The following TRPM4 variants were observed in gnomAD, a reference collection of about 807,000 sequenced individuals.
The protein encoded by TRPM4 is calcium-activated non-selective cation channel 1.
TRPM4 carries 124 observed loss-of-function variants against 135.6 expected under a neutral mutation model. The ratio of observed to expected loss-of-function variants is 0.91; its 90% CI spans 0.79 to 1.06. The LOEUF (loss-of-function observed/expected upper bound fraction) is 1.06. Among genes scored for constraint, TRPM4 ranks in the 50% least tolerant of loss-of-function variants. The pLI, the probability that TRPM4 is intolerant of heterozygous loss-of-function variation, is 0.00. For synonymous variants in TRPM4, 745 were observed against 705.6 expected (o/e 1.06, Z -0.88); for missense variants, 1,658 against 1,671.4 (o/e 0.99, Z 0.14).
chr19:49,206,213 C>T (rs1600532763), intron 20 of TRPM4, among the ~76,000 whole-genome samples: 1 of 151,988 alleles, frequency 6.6e-6, no homozygotes, highest in East Asian at 1.9e-4. Flanking sequence ...TCTGCCTCGG[C>T]TTTCCAAGGT....
At chr19:49,188,436 C>A (rs1968277591) in intron 12 of TRPM4, among the ~76,000 whole-genome samples, 1 of 152,180 alleles carries the variant, frequency 6.6e-6, no homozygotes, top group South Asian at 2.1e-4. Flanking sequence ...TGACTTGCAT[C>A]CCTGGTCTCT....
Position 49,200,632 on chromosome 19 carries a change from CTCT to C in TRPM4, c.2806_2808del (p.Phe936del), listed in dbSNP as rs1486769740. 2 of 1,613,618 alleles carry C rather than the reference CTCT, an allele frequency of 1.2e-6. No individual in the cohort carries two copies. Among genetic ancestry groups the C allele is most frequent in the African/African-American group, 1.3e-5 (1 of 75,050 alleles). ...ACAGATGAAGGACGTGTTCTTCTTC[CTCT>C]TCTTCCTCGGCGTGTGGCTGGTAGC... is the stretch of plus-strand genomic sequence containing the variant. On this transcript the variant is annotated inframe_deletion, in exon 19 of 25. Transcript: ENST00000252826.
Position 49,158,206 on chromosome 19 carries a change from G to C in TRPM4, c.39G>C (p.Lys13Asn). The C allele has an allele frequency of 6.2e-7, 1 of 1,613,898 alleles. No homozygotes were observed. The highest frequency in any genetic ancestry group is 2.2e-5 in the East Asian group (1 of 44,822). ...VPEKEQSWIP[K>N]IFKKKTCTTF... ...CCTGTCCCCAGAGCTGGATCCCCAA[G>C]ATCTTCAAGAAGAAGACCTGCACGA... Residue 13 changes from lysine to asparagine, a missense_variant, in exon 2 of 25, where the codon AAG becomes AAC. Around this residue, in one of 3 missense-constraint regions of TRPM4, gnomAD observed 239 missense variants for 240.1 expected, o/e 1.00. Coordinates refer to ENST00000252826, the MANE Select transcript of TRPM4 (RefSeq NM_017636.4).
chr19:49,186,389 G>GCCTCTAGC (rs1968197090), intron 12 of TRPM4, among the ~76,000 whole-genome samples: 1 of 152,186 alleles, frequency 6.6e-6, no homozygotes, highest in Non-Finnish European at 1.5e-5. Flanking sequence ...TTCTGAGCAC[G>GCCTCTAGC]CCTCTAGCCC....
rs1421888698 is a variant in TRPM4 at position 49,210,524 on chromosome 19, G to T, written c.3328+119G>T. ...CGTGGCTTAGGTAGCGAGGGGCGGG[G>T]TTTAAGCAACAAGGGGCGGAGCTTA... On this transcript the variant is annotated intron_variant, in intron 21 of 24. Transcript: ENST00000252826. This position sits in a 1 kb window ranked among gnomAD's most constrained non-coding sequence, Gnocchi z 4.1. 6.9e-7 allele frequency: 1 copy of T among 1,445,956 alleles called. No homozygotes were observed. The highest frequency in any genetic ancestry group is 9.5e-7 in the Non-Finnish European group (1 of 1,053,862). 89.6% of individuals were successfully genotyped at this position (1,445,956 alleles called of 1,614,324 possible). A position where few individuals can be genotyped will look rare whatever the true frequency, so the allele number is the denominator to read the frequency against.
intron 17 of TRPM4, among the ~76,000 whole-genome samples, chr19:49,198,773 G>C (rs570640512): frequency 6.8e-6 from 1 of 146,964 alleles, no homozygotes; most frequent in Non-Finnish European, 1.5e-5. Flanking sequence ...TTCTTTTTTT[G>C]TTTTAAATAG....
rs778308310 is a variant in TRPM4, at chr19:49,182,922, C to G, written c.1608C>G (p.Ser536Arg). The G allele has an allele frequency of 1.5e-5, 24 of 1,588,688 alleles. No individual in the cohort carries two copies. Among genetic ancestry groups the G allele is most frequent in the African/African-American group, 2.7e-5 (2 of 74,472 alleles). The change falls in exon 11 of 25, where the codon AGC (serine) becomes AGG (arginine). Residue 536 changes from serine (S) to arginine (R), a missense_variant and splice_region_variant. By Grantham distance (110) the Ser-to-Arg change is moderately radical. This residue lies in a region of TRPM4 where 1,412 missense variants were observed against 1,408.7 expected (regional missense o/e 1.00). Transcript: ENST00000252826. ...DPHPGQGFGE[S>R]MYLLSDKATS... is the part of the protein sequence containing the mutation. ...ACCCAGGCCAGGGCTTCGGGGAGAG[C>G]GTAAGGACCGGGCAAAGCTGGGGGG...
At chr19:49,179,302 A>C (rs1377425860) in intron 9 of TRPM4, among the ~76,000 whole-genome samples, 2 of 151,700 alleles carry the variant, frequency 1.3e-5, no homozygotes, top group African/African-American at 2.4e-5. Context: ...TGATTCGCCC[A>C]CCTCGGCCTC....
At chr19:49,190,550 G>T in intron 15 of TRPM4, 146 bp from the exon 16 acceptor site, 1 of 886,986 alleles carries the variant, frequency 1.1e-6, no homozygotes, top group Non-Finnish European at 1.8e-6. Context: ...ATGGCTCTGG[G>T]GGAAGGTCCC....
At chr19:49,205,971 T>A (rs910953766) in intron 20 of TRPM4, among the ~76,000 whole-genome samples, 7 of 152,138 alleles carry the variant, frequency 4.6e-5, no homozygotes, top group Admixed American at 2.6e-4. Flanking sequence ...TTTTTTGGGT[T>A]TTTTTTGAGA....
chr19:49,180,591 C>G (rs983700805), intron 9 of TRPM4, among the ~76,000 whole-genome samples: 2 of 151,924 alleles, frequency 1.3e-5, no homozygotes, highest in Non-Finnish European at 2.9e-5. Flanking sequence ...AACACCCATT[C>G]TCTGGGAGCT....
intron 9 of TRPM4, among the ~76,000 whole-genome samples, chr19:49,175,928 CTT>C (rs34213157): frequency 3.7e-4 from 40 of 109,196 alleles, no homozygotes; most frequent in Non-Finnish European, 4.6e-4. Flanking sequence ...CGCCCGGCCT[CTT>C]TTTTTTTTTT....
chr19:49,201,953 T>C lies in TRPM4; in HGVS notation c.2954-11T>C, dbSNP rs774806552. ...CCCCCTCACCCCATCTCTGAATGTC[T>C]CTCTTCACAGTGGCCCTCATGGAGC... On this transcript the variant is annotated splice_polypyrimidine_tract_variant and intron_variant, in intron 19 of 24. Transcript: ENST00000252826. 217 of 1,613,096 alleles carry C rather than the reference T, an allele frequency of 1.3e-4. 1 individual carries two copies. The Admixed American group carries it at 3.5e-3, about 26-fold the overall frequency.
intron 16 of TRPM4, among the ~76,000 whole-genome samples, chr19:49,191,514 C>T (rs2123003555): frequency 6.6e-6 from 1 of 151,030 alleles, no homozygotes; most frequent in East Asian, 2.0e-4. Context: ...CCAGGGATTA[C>T]ATTTCTTTCT....
At position 49,196,796 on chromosome 19, in the gene TRPM4, T is replaced by G; in HGVS notation, c.2567T>G (p.Leu856Arg). 6.3e-7 allele frequency: 1 copy of G among 1,582,016 alleles called. No homozygotes were observed. The highest frequency in any genetic ancestry group is 2.3e-5 in the East Asian group (1 of 43,476). Reference protein sequence around the residue: ...GPGHASLSQRLRLYLADSWNQ... With the variant: ...GPGHASLSQRRRLYLADSWNQ... Reference sequence around the variant, plus strand: ...GGCCATGCCTCACTGAGCCAGCGCCTGCGCCTCTACCTCGCCGACAGCTGG... The same window carrying G: ...GGCCATGCCTCACTGAGCCAGCGCCGGCGCCTCTACCTCGCCGACAGCTGG... Residue 856 changes from leucine (L) to arginine (R), a missense_variant, in exon 17 of 25, where the codon CTG (leucine) becomes CGG (arginine). This residue lies in a region of TRPM4 where 1,412 missense variants were observed against 1,408.7 expected (regional missense o/e 1.00). Transcript: ENST00000252826.
chr19:49,199,052 C>T (rs762141370), intron 17 of TRPM4, among the ~76,000 whole-genome samples: 7 of 152,074 alleles, frequency 4.6e-5, no homozygotes, highest in Non-Finnish European at 1.0e-4. Context: ...AGAGTGCCCC[C>T]TTGAGGCCAT....
chr19:49,165,645 A>G (rs1967140948), intron 2 of TRPM4, among the ~76,000 whole-genome samples: 2 of 152,170 alleles, frequency 1.3e-5, no homozygotes, highest in Non-Finnish European at 2.9e-5. Context: ...CAGCCGCGTC[A>G]GCCCCGAGCA....
Position 49,199,329 on chromosome 19 carries a change from G to A in TRPM4, c.2646-971G>A, listed in dbSNP as rs188683660. Among the ~76,000 whole-genome samples, 785 of 152,178 alleles carry A rather than the reference G, an allele frequency of 5.2e-3. 3 individuals carry two copies. The highest frequency in any genetic ancestry group is 0.029 in the South Asian group (140 of 4,826). ...GCTGGAGTGCAGTGGCGCGATCTCG[G>A]CTCACTGCAACCTCCGCCTCCCGGG... On this transcript the variant is annotated intron_variant, in intron 17 of 24. Coordinates refer to ENST00000252826, the MANE Select transcript of TRPM4 (RefSeq NM_017636.4).
At chr19:49,203,458 C>G (rs929498536) in intron 20 of TRPM4, among the ~76,000 whole-genome samples, 1 of 152,200 alleles carries the variant, frequency 6.6e-6, no homozygotes, top group Non-Finnish European at 1.5e-5. Flanking sequence ...GGATTACTGA[C>G]ATGAGCCACC....
Sources: allele counts gnomAD v4.1 joint callset (sites outside exome capture counted in the v4.1 genomes callset), GRCh38; gene constraint gnomAD v4.1.1; regional missense constraint gnomAD v4.1.1; non-coding constraint Gnocchi (gnomAD v3.1); transcripts MANE v1.5; gene names NCBI Gene and HGNC (gene_info 2026-07-23, HGNC 2026-07-21).